CGREF1: variants seen among roughly 807,000 people sequenced by gnomAD.
CGREF1 encodes the protein cell growth regulator with EF-hand domain 1.
A neutral mutation model predicts 17.4 loss-of-function variants in CGREF1; 16 were observed. The ratio of observed to expected loss-of-function variants is 0.92; its 90% CI spans 0.62 to 1.40. CGREF1 has a LOEUF of 1.40. CGREF1 is among the 40% of genes most tolerant of loss of function. The pLI is 0.00. For missense variants in CGREF1, 296 were observed against 376.4 expected, an observed-to-expected ratio of 0.79 and a Z score of 1.77; for synonymous variants, 142 against 154.6, an observed-to-expected ratio of 0.92 and a Z score of 0.61.
At chr2:27,117,586 C>T (rs1020808497) in intron 1 of CGREF1, among the ~76,000 whole-genome samples, 1 of 152,216 alleles carries the variant, frequency 6.6e-6, no homozygotes, top group African/African-American at 2.4e-5. Context: ...AGCCTTTGCA[C>T]CAGTGCATGG....
chr2:27,105,788 C>T (rs2148386371), intron 1 of CGREF1, among the ~76,000 whole-genome samples: 1 of 152,334 alleles, frequency 6.6e-6, no homozygotes, highest in Non-Finnish European at 1.5e-5. Flanking sequence ...CTCAGGTGAT[C>T]TGCCCGCCTG....
At chr2:27,104,996 A>C (rs992137142) in intron 1 of CGREF1, among the ~76,000 whole-genome samples, 17 of 152,244 alleles carry the variant, frequency 1.1e-4, no homozygotes, top group African/African-American at 3.9e-4. Context: ...CAGTTAGGAA[A>C]ATTAGACCCA....
intron 1 of CGREF1, among the ~76,000 whole-genome samples, chr2:27,116,897 C>CTA: frequency 1.6e-5 from 2 of 128,708 alleles, no homozygotes; most frequent in African/African-American, 6.0e-5. Context: ...CTCTCTCTCT[C>CTA]TCTCTCTCTC....
intron 1 of CGREF1, among the ~76,000 whole-genome samples, chr2:27,116,381 G>A (rs1671564411): frequency 6.6e-6 from 1 of 151,754 alleles, no homozygotes; most frequent in African/African-American, 2.4e-5. Context: ...ATAAAAATTA[G>A]CCAGGCACAG....
At chr2:27,099,909 G>A (rs886055892), downstream of CGREF1, 4 of 1,490,934 alleles carry the variant, frequency 2.7e-6, no homozygotes, top group East Asian at 7.4e-5. Context: ...ACAGGGAGAG[G>A]CTCTGGGGGG....
intron 1 of CGREF1, among the ~76,000 whole-genome samples, chr2:27,106,157 G>A (rs1361460613): frequency 4.6e-5 from 7 of 152,204 alleles, no homozygotes; most frequent in Admixed American, 4.6e-4. Context: ...CCACTTCTGG[G>A]AGTGTAATAG....
intron 2 of CGREF1, 194 bp from the exon 3 acceptor site, chr2:27,102,785 G>T: frequency 5.7e-6 from 3 of 527,942 alleles, no homozygotes; most frequent in South Asian, 8.1e-5. Context: ...CTCAGACTCT[G>T]TTTTTGCAGC....
In CGREF1 at chr2:27,118,921, T is replaced by G. The variant is rs1246129599; in HGVS notation, c.-87A>C. 2.0e-5 allele frequency: 3 copies of G among 152,154 alleles called. No individual in the cohort carries two copies. The highest frequency in any genetic ancestry group is 4.8e-5 in the African/African-American group (2 of 41,262). The allele number at this position is 152,154 out of a possible 1,614,324, so 9.4% of individuals were successfully genotyped here. A position where few individuals can be genotyped will look rare whatever the true frequency, so the allele number is the denominator to read the frequency against. On this transcript the variant is annotated 5_prime_UTR_variant, in exon 1 of 6. Transcript: ENST00000402394. ...GCTGCTGCGCCGCCCGCGCCTCGCC[T>G]CCCGCCGCCAGCCTCCCCCGGGCCG...
At chr2:27,108,040 A>T (rs574992330) in intron 1 of CGREF1, among the ~76,000 whole-genome samples, 3 of 152,180 alleles carry the variant, frequency 2.0e-5, no homozygotes, top group African/African-American at 7.2e-5. Context: ...GATTGATTTT[A>T]AAAATGCAAT....
At chr2:27,104,836 G>A in intron 1 of CGREF1, 13 of 1,427,588 alleles carry the variant, frequency 9.1e-6, no homozygotes, top group Non-Finnish European at 1.2e-5. Flanking sequence ...AAAGAGAAAT[G>A]GACTGTTTGT....
intron 1 of CGREF1, among the ~76,000 whole-genome samples, chr2:27,108,242 G>A (rs916227962): frequency 9.2e-5 from 14 of 152,080 alleles, no homozygotes; most frequent in Admixed American, 5.9e-4. Flanking sequence ...GCGACAGAGT[G>A]AGACTGTCTT....
intron 1 of CGREF1, chr2:27,110,856 C>G (rs1671344371): frequency 6.6e-6 from 1 of 152,558 alleles, no homozygotes; most frequent in Non-Finnish European, 1.5e-5. Flanking sequence ...CTCGCTGGCT[C>G]AGGAATGCAG....
downstream of CGREF1, chr2:27,099,405 G>A (rs534739226): frequency 8.7e-6 from 14 of 1,612,884 alleles, no homozygotes; most frequent in African/African-American, 5.3e-5. Context: ...CCAGCTGAGT[G>A]GAGCCGTCTT....
chr2:27,116,574 AT>A (rs113576578), intron 1 of CGREF1, among the ~76,000 whole-genome samples: 14,935 of 145,420 alleles, frequency 0.1, 1,018 homozygotes, highest in African/African-American at 0.2. Flanking sequence ...TTTCAGTATA[AT>A]TTTTTTTTTT....
intron 2 of CGREF1, 70 bp downstream of exon 2, chr2:27,104,217 C>T (rs1014458005): frequency 2.2e-5 from 33 of 1,478,192 alleles, no homozygotes; most frequent in Non-Finnish European, 2.9e-5. Context: ...AGAGGGCCCA[C>T]CACACCCTTG....
At chr2:27,103,467 G>T (rs1440638313) in intron 2 of CGREF1, among the ~76,000 whole-genome samples, 1 of 151,810 alleles carries the variant, frequency 6.6e-6, no homozygotes, top group Non-Finnish European at 1.5e-5. Flanking sequence ...CCACCTCCCG[G>T]GTTCAAGCGA....
chr2:27,103,737 C>T lies in CGREF1; in HGVS notation c.80+550G>A, dbSNP rs187678304. Among the ~76,000 whole-genome samples the T allele has an allele frequency of 8.6e-3, 1,296 of 151,206 alleles. 25 individuals carry two copies. Among genetic ancestry groups the T allele is most frequent in the African/African-American group, 0.03 (1,236 of 41,282 alleles). The stretch of plus-strand genomic sequence containing the variant: ...CGGTGGCTCATGCCTGTAATCCCAG[C>T]ACTTTGAGAGGCCGATGTGGGCGGA... On this transcript the variant is annotated intron_variant, in intron 2 of 5. Coordinates refer to ENST00000402394, the MANE Select transcript of CGREF1 (RefSeq NM_006569.6).
intron 1 of CGREF1, 51 bp from the exon 2 acceptor site, chr2:27,104,428 G>C (rs1162160110): frequency 6.3e-7 from 1 of 1,599,980 alleles, no homozygotes; most frequent in East Asian, 2.3e-5. Context: ...GTCTGCCACC[G>C]TGTCACAGAT....
chr2:27,104,182 C>T, intron 2 of CGREF1, 105 bp downstream of exon 2: 1 of 1,158,310 alleles, frequency 8.6e-7, no homozygotes, highest in Non-Finnish European at 1.2e-6. Flanking sequence ...GATCGGGGAA[C>T]CTACACCCCA....
Sources: gnomAD v4.1 joint callset for allele counts (sites outside exome capture counted in the v4.1 genomes callset) on GRCh38, gnomAD v4.1.1 for gene constraint, MANE v1.5 for transcripts, NCBI Gene and HGNC (gene_info 2026-07-23, HGNC 2026-07-21) for gene names.